Variants in MAP3K8 observed in about 807,000 individuals in gnomAD.
MAP3K8 encodes mitogen-activated protein kinase kinase kinase 8.
Under a neutral mutation model 45.8 loss-of-function variants are expected in MAP3K8, and 22 were observed. The ratio of observed to expected loss-of-function variants is 0.48; its 90% confidence interval spans 0.34 to 0.69. The LOEUF (loss-of-function observed/expected upper bound fraction) is 0.69. Ranked by LOEUF, MAP3K8 falls within the 30% of genes least tolerant of loss-of-function variation. The pLI, the probability that MAP3K8 is intolerant of heterozygous loss-of-function variation, is 0.01. For missense variants in MAP3K8, 419 were observed against 585.0 expected, an observed-to-expected ratio of 0.72 and a Z score of 2.93; for synonymous variants, 223 against 214.3, an observed-to-expected ratio of 1.04 and a Z score of -0.36.
Position 30,453,915 on chromosome 10 carries a change from AGAAGGAAGGAAG to A in MAP3K8, c.873+2202_873+2213del, listed in dbSNP as rs56017896. Reference sequence around the variant, plus strand: ...AGAAGGAAGGGAGGGAGGGAGAGAGAGAAGGAAGGAAGGAAGGAAGGAAGGAAGGAAGGAAGG... The same window carrying A: ...AGAAGGAAGGGAGGGAGGGAGAGAGAGAAGGAAGGAAGGAAGGAAGGAAGG... On this transcript the variant is annotated intron_variant, in intron 6 of 8. Coordinates refer to ENST00000263056, the MANE Select transcript of MAP3K8 (RefSeq NM_005204.4). Among the ~76,000 whole-genome samples, 904 of 129,150 alleles carry A rather than the reference AGAAGGAAGGAAG, an allele frequency of 7.0e-3. 11 individuals carry two copies. Among genetic ancestry groups the A allele is most frequent in the East Asian group, 0.013 (62 of 4,674 alleles). The allele number at this position is 129,150 out of a possible 152,430, so 84.7% of individuals were successfully genotyped here.
At chr10:30,449,585 AT>A (rs1293524916) in intron 4 of MAP3K8, among the ~76,000 whole-genome samples, 2 of 152,236 alleles carry the variant, frequency 1.3e-5, no homozygotes, top group South Asian at 4.1e-4. Context: ...AAAAAATAAA[AT>A]AAATAATTGC....
chr10:30,461,517 A>C lies in MAP3K8; in HGVS notation c.*681A>C, dbSNP rs1385044709. ...TTTTGAATGTGGATAAAACTGTGTA[A>C]ACCACATAATTTTTGTACATCCCAA... On this transcript the variant is annotated 3_prime_UTR_variant, in exon 9 of 9. Transcript: ENST00000263056. The C allele has an allele frequency of 1.5e-5, 3 of 194,586 alleles. No individual in the cohort carries two copies. The highest frequency in any genetic ancestry group is 3.2e-5 in the Non-Finnish European group (3 of 93,300). 12.1% of individuals were successfully genotyped at this position (194,586 alleles called of 1,614,324 possible).
chr10:30,454,612 C>G (rs768186147), intron 6 of MAP3K8, among the ~76,000 whole-genome samples: 2 of 151,446 alleles, frequency 1.3e-5, no homozygotes, highest in Non-Finnish European at 2.9e-5. Flanking sequence ...TCTCAACTCT[C>G]TCAAAGCCAG....
Position 30,459,399 on chromosome 10 carries a change from C to T in MAP3K8, c.1171C>T (p.Pro391Ser), listed in dbSNP as rs1439199393. The T allele has an allele frequency of 3.1e-6, 5 of 1,614,170 alleles. No homozygotes were observed. The South Asian group carries it at 5.5e-5, about 18-fold the overall frequency. Reference sequence around the variant, plus strand: ...ACTAAAACATGAGGCCCTGAACCCGCCCAGAGAGGATCAGCCACGCTGTCA... The same window carrying T: ...ACTAAAACATGAGGCCCTGAACCCGTCCAGAGAGGATCAGCCACGCTGTCA... ...DLLKHEALNP[P>S]REDQPRCQSL... is the part of the protein sequence containing the mutation. Residue 391 changes from proline (P) to serine (S), a missense_variant, in exon 8 of 9, where the codon CCC (proline) becomes TCC (serine). Coordinates refer to ENST00000263056, the MANE Select transcript of MAP3K8 (RefSeq NM_005204.4).
intron 3 of MAP3K8, among the ~76,000 whole-genome samples, chr10:30,444,052 A>G (rs1201217229): frequency 2.0e-5 from 3 of 151,852 alleles, no homozygotes; most frequent in African/African-American, 7.3e-5. Context: ...CAGCCAGGTG[A>G]GGTGGCACAC....
chr10:30,459,315 G>A lies in MAP3K8; in HGVS notation c.1087G>A (p.Glu363Lys). ...IADDCSPGMR[E>K]LIEASLERNP... The stretch of plus-strand genomic sequence containing the variant: ...AGATGACTGCAGTCCAGGGATGAGA[G>A]AGCTGATAGAAGCTTCCCTGGAGAG... The change falls in exon 8 of 9, where the codon GAG (glutamate) becomes AAG (lysine). Residue 363 changes from glutamate (E) to lysine (K), a missense_variant. Glu to Lys is a moderately conservative substitution (Grantham distance 56). Transcript: ENST00000263056. 3 of 1,614,148 alleles carry A rather than the reference G, an allele frequency of 1.9e-6. No individual in the cohort carries two copies. Among genetic ancestry groups the A allele is most frequent in the Non-Finnish European group, 2.5e-6 (3 of 1,180,018 alleles).
At position 30,434,229 on chromosome 10, in the gene MAP3K8, G is replaced by A. The variant is rs973764428; in HGVS notation, c.-404G>A. 3.9e-5 allele frequency: 6 copies of A among 154,996 alleles called. No homozygotes were observed. The highest frequency in any genetic ancestry group is 1.4e-4 in the African/African-American group (6 of 41,628). 9.6% of individuals were successfully genotyped at this position (154,996 alleles called of 1,614,324 possible). On this transcript the variant is annotated 5_prime_UTR_variant, in exon 1 of 9. Transcript: ENST00000263056. ...ACTGCGCGCCACGCTCTGGGGTCCG[G>A]CGCCCTGGTTCCTGCTTCTGCCGCT...
chr10:30,445,421 A>G (rs1836286489), intron 3 of MAP3K8, among the ~76,000 whole-genome samples: 1 of 152,224 alleles, frequency 6.6e-6, no homozygotes, highest in African/African-American at 2.4e-5. Flanking sequence ...AAATAAAAAC[A>G]AAAACAAACA....
rs540126745 is a variant in MAP3K8 at position 30,460,236 on chromosome 10, C to A, written c.1274-470C>A. Among the ~76,000 whole-genome samples the A allele has an allele frequency of 3.3e-4, 51 of 152,328 alleles. 1 individual carries two copies. Among genetic ancestry groups the A allele is most frequent in the African/African-American group, 9.6e-4 (40 of 41,580 alleles). On this transcript the variant is annotated intron_variant, in intron 8 of 8. Transcript: ENST00000263056. ...AAATACTCAGTTTGAAGTCAACTTG[C>A]ATTTCCATCTTCCTTGGCTTAAAAT...
At chr10:30,445,387 G>T (rs921372672) in intron 3 of MAP3K8, among the ~76,000 whole-genome samples, 9 of 152,160 alleles carry the variant, frequency 5.9e-5, no homozygotes, top group African/African-American at 1.7e-4. Flanking sequence ...TCAAGCCTGG[G>T]TGACAGGGCG....
chr10:30,442,328 A>G (rs1266461105), intron 3 of MAP3K8, among the ~76,000 whole-genome samples: 1 of 152,214 alleles, frequency 6.6e-6, no homozygotes, highest in Non-Finnish European at 1.5e-5. Context: ...ATTTATGCCT[A>G]AGCCGAGGTC....
chr10:30,439,406 TAAG>T, intron 3 of MAP3K8, 132 bp downstream of exon 3: 1 of 1,420,576 alleles, frequency 7.0e-7, no homozygotes, highest in South Asian at 1.6e-5. Flanking sequence ...TAATCATCAG[TAAG>T]AAGTACTTCC....
intron 1 of MAP3K8, chr10:30,434,740 C>G (rs1014032635): frequency 3.0e-6 from 3 of 985,564 alleles, no homozygotes; most frequent in Non-Finnish European, 3.6e-6. Context: ...TCTCCCTGCC[C>G]GAGACCCGGT....
chr10:30,442,562 T>C (rs303435), intron 3 of MAP3K8, among the ~76,000 whole-genome samples: 106,744 of 152,154 alleles, frequency 0.7, 37,820 homozygotes, highest in African/African-American at 0.76. Flanking sequence ...AAAATAATAT[T>C]TGTTAAAGAT....
chr10:30,437,585 C>T (rs1835955509), intron 2 of MAP3K8, among the ~76,000 whole-genome samples, 179 bp downstream of exon 2: 1 of 152,190 alleles, frequency 6.6e-6, no homozygotes, highest in East Asian at 1.9e-4. Context: ...AACTGCTTTC[C>T]TCAGACACAA....
chr10:30,458,348 G>A (rs1366324405), intron 7 of MAP3K8, 112 bp downstream of exon 7: 2 of 638,500 alleles, frequency 3.1e-6, no homozygotes, highest in Non-Finnish European at 4.7e-6. Flanking sequence ...TCTGAATGAG[G>A]CAATGGTGAA....
chr10:30,459,622 C>T (rs1836864471), intron 8 of MAP3K8, 121 bp downstream of exon 8: 6 of 1,178,202 alleles, frequency 5.1e-6, no homozygotes, highest in South Asian at 1.5e-5. Flanking sequence ...GAGTACCATA[C>T]CTTGCTTGAG....
At chr10:30,450,607 C>A (rs1836503387) in intron 5 of MAP3K8, 88 bp downstream of exon 5, 1 of 1,258,676 alleles carries the variant, frequency 7.9e-7, no homozygotes, top group Non-Finnish European at 1.1e-6. Context: ...TCTGAAGACC[C>A]TCCATGGAGG....
At chr10:30,435,029 GT>G (rs1410586101) in intron 1 of MAP3K8, among the ~76,000 whole-genome samples, 2 of 152,206 alleles carry the variant, frequency 1.3e-5, no homozygotes, top group East Asian at 3.8e-4. Flanking sequence ...CACGGAAGTT[GT>G]TTTCGAGCGA....
Sources: allele counts gnomAD v4.1 joint callset (sites outside exome capture counted in the v4.1 genomes callset), GRCh38; gene constraint gnomAD v4.1.1; transcripts MANE v1.5; gene names NCBI Gene and HGNC (gene_info 2026-07-23, HGNC 2026-07-21).